CDH12: variants seen among roughly 807,000 people sequenced by gnomAD.
CDH12 encodes the protein cadherin 12, also known as cadherin-12.
A neutral mutation model predicts 74.1 loss-of-function variants in CDH12; 41 were observed. The ratio of observed to expected loss-of-function variants is 0.55; its 90% CI spans 0.43 to 0.72. The LOEUF is 0.72. CDH12 is among the 30% of genes least tolerant of loss of function. CDH12 has a pLI of 0.00. For missense variants in CDH12, 945 were observed against 977.2 expected (o/e 0.97, Z 0.44); for synonymous variants, 399 against 355.0 (o/e 1.12, Z -1.39).
chr5:22,261,504 C>A (rs2150393995), intron 3 of CDH12, among the ~76,000 whole-genome samples: 1 of 152,076 alleles, frequency 6.6e-6, no homozygotes, highest in South Asian at 2.1e-4. Flanking sequence ...ATAAAAACTG[C>A]TCTTTGGAGG....
intron 1 of CDH12, among the ~76,000 whole-genome samples, chr5:22,604,468 A>T (rs546040294): frequency 1.3e-4 from 20 of 152,290 alleles, no homozygotes; most frequent in African/African-American, 4.3e-4. Flanking sequence ...TTCTCAGATG[A>T]GCAATCAGCT....
intron 1 of CDH12, among the ~76,000 whole-genome samples, chr5:22,538,571 G>T (rs1737966364): frequency 6.6e-6 from 1 of 152,198 alleles, no homozygotes; most frequent in African/African-American, 2.4e-5. Flanking sequence ...TCGAGACATT[G>T]CCAAATGTTC....
intron 3 of CDH12, among the ~76,000 whole-genome samples, chr5:22,402,341 A>T (rs1243579171): frequency 6.6e-6 from 1 of 152,226 alleles, no homozygotes; most frequent in East Asian, 1.9e-4. Flanking sequence ...ATGTCAGTAG[A>T]AAGACAAACA....
At chr5:22,348,422 G>A (rs1740217783) in intron 3 of CDH12, among the ~76,000 whole-genome samples, 1 of 152,178 alleles carries the variant, frequency 6.6e-6, no homozygotes, top group Non-Finnish European at 1.5e-5. Context: ...AATTTGATTA[G>A]AGTATAAAGA....
At chr5:21,980,062 T>C (rs1757241715) in intron 5 of CDH12, among the ~76,000 whole-genome samples, 1 of 151,866 alleles carries the variant, frequency 6.6e-6, no homozygotes, top group Non-Finnish European at 1.5e-5. Context: ...TTTTCATGTA[T>C]TTTTTGGCTG....
Position 21,896,992 on chromosome 5 carries a change from C to CA in CDH12, c.527-42203dup, listed in dbSNP as rs149096864. 6.4e-4 allele frequency among the ~76,000 whole-genome samples: 96 copies of CA among 151,170 alleles called. 2 individuals are homozygous for CA. In the East Asian group the frequency reaches 0.015, roughly 24 times the overall value. ...GAATCATTGGAAAATACAAGCCAAC[C>CA]AAAAAAAATTAAATTCTACCTACAA... On this transcript the variant is annotated intron_variant, in intron 6 of 14. Transcript: ENST00000382254.
intron 3 of CDH12, among the ~76,000 whole-genome samples, chr5:22,402,474 T>G (rs930182058): frequency 2.0e-5 from 3 of 152,182 alleles, no homozygotes; most frequent in Non-Finnish European, 4.4e-5. Flanking sequence ...TACTATCAAG[T>G]AGAAAGCAAG....
chr5:22,694,323 A>G (rs1025504518), intron 1 of CDH12, among the ~76,000 whole-genome samples: 5 of 152,146 alleles, frequency 3.3e-5, no homozygotes, highest in African/African-American at 1.2e-4. Context: ...TCCATACATG[A>G]TTTTTCTACT....
intron 6 of CDH12, among the ~76,000 whole-genome samples, chr5:21,861,042 G>C (rs113818578): frequency 0.016 from 2,500 of 151,976 alleles, 31 homozygotes; most frequent in Non-Finnish European, 0.024. Flanking sequence ...GGCAGCTCTG[G>C]GTGAAAAAGG....
At chr5:22,695,357 C>A (rs1411731435) in intron 1 of CDH12, among the ~76,000 whole-genome samples, 3 of 151,978 alleles carry the variant, frequency 2.0e-5, no homozygotes, top group Non-Finnish European at 4.4e-5. Flanking sequence ...TGGGTATATA[C>A]CCAGTATTGG....
At chr5:22,542,647 A>G (rs1027955285) in intron 1 of CDH12, among the ~76,000 whole-genome samples, 4 of 152,174 alleles carry the variant, frequency 2.6e-5, no homozygotes, top group African/African-American at 9.6e-5. Context: ...AACCTTAAAA[A>G]GATTTAACAT....
intron 1 of CDH12, among the ~76,000 whole-genome samples, chr5:22,790,028 T>A (rs1304322876): frequency 6.6e-6 from 1 of 152,008 alleles, no homozygotes; most frequent in Non-Finnish European, 1.5e-5. Context: ...TTTCTAAACT[T>A]TTAGTAAACA....
At chr5:22,145,250 G>A (rs548804978) in intron 4 of CDH12, among the ~76,000 whole-genome samples, 3 of 152,218 alleles carry the variant, frequency 2.0e-5, no homozygotes, top group Admixed American at 6.5e-5. Context: ...CTGTGTATGT[G>A]TGCATGTACA....
Position 22,402,570 on chromosome 5 carries a change from T to C in CDH12, c.-333+2687A>G, listed in dbSNP as rs1226356287. Among the ~76,000 whole-genome samples the C allele has an allele frequency of 3.9e-5, 6 of 152,132 alleles. No homozygotes were observed. The East Asian group carries it at 5.8e-4, about 15-fold the overall frequency. On this transcript the variant is annotated intron_variant, in intron 3 of 14. Coordinates refer to ENST00000382254, the MANE Select transcript of CDH12 (RefSeq NM_004061.5). Reference sequence around the variant, plus strand: ...AAGTATGGTTTTTCCTTGTTCCTTATAGTAAAATATAAAAGAAAAGAGATA... The same window carrying C: ...AAGTATGGTTTTTCCTTGTTCCTTACAGTAAAATATAAAAGAAAAGAGATA...
intron 4 of CDH12, among the ~76,000 whole-genome samples, chr5:22,173,228 TATG>T (rs1235886691): frequency 1.4e-5 from 2 of 148,008 alleles, no homozygotes; most frequent in Admixed American, 6.8e-5. Context: ...ATTACATATA[TATG>T]ATTTGTTATA....
chr5:22,711,067 C>T (rs538006250), intron 1 of CDH12, among the ~76,000 whole-genome samples: 88 of 136,546 alleles, frequency 6.4e-4, no homozygotes, highest in Middle Eastern at 3.9e-3. Flanking sequence ...TAGTACATTA[C>T]GCAGTGTTTT....
intron 1 of CDH12, among the ~76,000 whole-genome samples, chr5:22,515,914 T>A (rs1316285870): frequency 6.6e-6 from 1 of 152,018 alleles, no homozygotes; most frequent in South Asian, 2.1e-4. Flanking sequence ...ATACAACATA[T>A]AAAAACTTTA....
intron 8 of CDH12, among the ~76,000 whole-genome samples, chr5:21,829,735 A>G (rs1748897828): frequency 6.6e-6 from 1 of 152,174 alleles, no homozygotes; most frequent in Non-Finnish European, 1.5e-5. Context: ...TCAGAAATCT[A>G]TGTATTAAAG....
At chr5:22,769,566 C>T (rs1429215970) in intron 1 of CDH12, among the ~76,000 whole-genome samples, 3 of 151,966 alleles carry the variant, frequency 2.0e-5, no homozygotes, top group Admixed American at 6.6e-5. Flanking sequence ...TGGGACTTCG[C>T]CCTGTGATTG....
Sources: gnomAD v4.1 joint callset for allele counts (sites outside exome capture counted in the v4.1 genomes callset) on GRCh38, gnomAD v4.1.1 for gene constraint, MANE v1.5 for transcripts, NCBI Gene and HGNC (gene_info 2026-07-23, HGNC 2026-07-21) for gene names.